Variants in OR2J1 observed in about 807,000 individuals in gnomAD.
OR2J1 encodes olfactory receptor 2J1.
In OR2J1, 10 loss-of-function variants were observed where a neutral mutation model predicts 10.2. The ratio of observed to expected loss-of-function variants is 0.98; its 90% confidence interval spans 0.60 to 1.66. The LOEUF is 1.66. OR2J1 is among the 40% of genes most tolerant of loss of function. OR2J1 has a pLI of 0.00. For synonymous variants in OR2J1, 143 were observed against 138.8 expected (o/e 1.03, Z -0.21); for missense variants, 317 against 379.4 (o/e 0.84, Z 1.37).
chr6:29,101,194 G>T lies in OR2J1; in HGVS notation c.252G>T (p.Val84=), dbSNP rs143840212. 181 of 1,594,520 alleles carry T rather than the reference G, an allele frequency of 1.1e-4. 4 individuals carry two copies. The South Asian group carries it at 1.9e-3, about 17-fold the overall frequency. The change falls in exon 2 of 2, where the codon GTG becomes GTT. Residue 84 remains valine, a synonymous_variant. Coordinates refer to ENST00000641659, the MANE Select transcript of OR2J1 (RefSeq NM_001348294.2). The part of the protein sequence containing the change: ...YTTSSIPQLL[V]NLWGPEKTIS... ...CCAGCTCTATCCCTCAGTTGCTGGT[G>T]AATCTCTGGGGCCCGGAAAAGACCA...
rs1581898725 is a variant in OR2J1, at chr6:29,101,905, T to C, written c.*24T>C. 2.1e-6 allele frequency: 2 copies of C among 953,234 alleles called. No individual in the cohort carries two copies. Among genetic ancestry groups the C allele is most frequent in the African/African-American group, 3.2e-5 (2 of 61,916 alleles). 59.0% of individuals were successfully genotyped at this position (953,234 alleles called of 1,614,324 possible). On this transcript the variant is annotated 3_prime_UTR_variant, in exon 2 of 2. Coordinates refer to ENST00000641659, the MANE Select transcript of OR2J1 (RefSeq NM_001348294.2). ...GACAGGGAAATCATGTTGGCTGTTGTTTTTCCTAGGGTCTTATCCATTTTG... is the reference window on the plus strand; with the variant it reads ...GACAGGGAAATCATGTTGGCTGTTGCTTTTCCTAGGGTCTTATCCATTTTG...
Position 29,102,074 on chromosome 6 carries a change from A to G in OR2J1, c.*193A>G. The G allele has an allele frequency of 2.1e-6, 1 of 474,678 alleles. No individual in the cohort carries two copies. The highest frequency in any genetic ancestry group is 3.7e-6 in the Non-Finnish European group (1 of 271,962). 29.4% of individuals were successfully genotyped at this position (474,678 alleles called of 1,614,324 possible). ...TGAGATAAAGGTTTTGATTAGTACC[A>G]TTTTGTTCTTTTACAATTCTATATT... is the stretch of plus-strand genomic sequence containing the variant. On this transcript the variant is annotated 3_prime_UTR_variant, in exon 2 of 2. Coordinates refer to ENST00000641659, the MANE Select transcript of OR2J1 (RefSeq NM_001348294.2).
At position 29,102,272 on chromosome 6, in the gene OR2J1, A is replaced by C. The variant is rs1274510584; in HGVS notation, c.*391A>C. On this transcript the variant is annotated 3_prime_UTR_variant, in exon 2 of 2. Transcript: ENST00000641659. ...GGCAATATTGCAAAGATGTAGGCTG[A>C]AGAAGTTTTTGGTTATTAAATAAAC... 1 of 164,622 alleles carries C rather than the reference A, an allele frequency of 6.1e-6. No homozygotes were observed. Among genetic ancestry groups the C allele is most frequent in the Admixed American group, 6.2e-5 (1 of 16,218 alleles). 10.2% of individuals were successfully genotyped at this position (164,622 alleles called of 1,614,324 possible).
In OR2J1 at chr6:29,100,775, A is replaced by G. The variant is rs537305330; in HGVS notation, c.-168A>G. ...GTATCCACAGCTGGACAAATATCTC[A>G]ATGAAGCATACAAAGGAAACTGTAT... On this transcript the variant is annotated 5_prime_UTR_variant, in exon 2 of 2. Coordinates refer to ENST00000641659, the MANE Select transcript of OR2J1 (RefSeq NM_001348294.2). The G allele has an allele frequency of 1.3e-4, 76 of 570,484 alleles. No individual in the cohort carries two copies. In the East Asian group the frequency reaches 2.0e-3, roughly 15 times the overall value. 35.3% of individuals were successfully genotyped at this position (570,484 alleles called of 1,614,324 possible).
chr6:29,101,797 T>C lies in OR2J1; in HGVS notation c.855T>C (p.Ser285=). 1 of 1,600,588 alleles carries C rather than the reference T, an allele frequency of 6.2e-7. No individual in the cohort carries two copies. Among genetic ancestry groups the C allele is most frequent in the Non-Finnish European group, 8.6e-7 (1 of 1,167,898 alleles). Residue 285 remains serine, a synonymous_variant, in exon 2 of 2, where the codon AGT becomes AGC. Transcript: ENST00000641659. ...TCTTTTACACTGTTGTCACACCTAG[T>C]CTTAACCCTCTAATCTACACTTTCA... is the stretch of plus-strand genomic sequence containing the variant. ...IALFYTVVTP[S]LNPLIYTFRN... is the part of the protein sequence containing the mutation.
chr6:29,100,958 A>T lies in OR2J1; in HGVS notation c.16A>T (p.Asn6Tyr). 1 of 1,306,306 alleles carries T rather than the reference A, an allele frequency of 7.7e-7. No homozygotes were observed. The highest frequency in any genetic ancestry group is 1.1e-6 in the Non-Finnish European group (1 of 905,142). 80.9% of individuals were successfully genotyped at this position (1,306,306 alleles called of 1,614,324 possible). A position where few individuals can be genotyped will look rare whatever the true frequency, so the allele number is the denominator to read the frequency against. MLMKK[N>Y]ASFEDFFLLL... ...AAAAATAAGAATGTTGATGAAAAAA[A>T]ATGCAAGTTTTGAAGACTTCTTTCT... The change falls in exon 2 of 2, where the codon AAT becomes TAT. Residue 6 changes from asparagine (N) to tyrosine (Y), a missense_variant. Transcript: ENST00000641659.
rs771592137 is a variant in OR2J1, at chr6:29,101,304, A to G, written c.362A>G (p.Tyr121Cys). 3.7e-5 allele frequency: 59 copies of G among 1,602,438 alleles called. No individual in the cohort carries two copies. Among genetic ancestry groups the G allele is most frequent in the Middle Eastern group, 3.3e-4 (2 of 6,070 alleles). ...AECVLLVVMSYDRYAAVCRPL... is the reference protein window; with the variant it reads ...AECVLLVVMSCDRYAAVCRPL... ...TGTGTCCTACTGGTGGTGATGTCCT[A>G]TGATCGTTATGCAGCTGTGTGTAGA... Residue 121 changes from tyrosine (Y) to cysteine (C), a missense_variant, in exon 2 of 2, where the codon TAT becomes TGT. Transcript: ENST00000641659.
chr6:29,100,946 T>C lies in OR2J1; in HGVS notation c.4T>C (p.Leu2=). The stretch of plus-strand genomic sequence containing the variant: ...TTTAGGTACAGGAAAAATAAGAATG[T>C]TGATGAAAAAAAATGCAAGTTTTGA... M[L]MKKNASFEDF... is the part of the protein sequence containing the mutation. Residue 2 remains leucine (L), a synonymous_variant, in exon 2 of 2, where the codon TTG becomes CTG. Coordinates refer to ENST00000641659, the MANE Select transcript of OR2J1 (RefSeq NM_001348294.2). 4.2e-6 allele frequency: 5 copies of C among 1,200,026 alleles called. No homozygotes were observed. The Admixed American group carries it at 8.6e-5, about 21-fold the overall frequency. 74.3% of individuals were successfully genotyped at this position (1,200,026 alleles called of 1,614,324 possible). A position where few individuals can be genotyped will look rare whatever the true frequency, so the allele number is the denominator to read the frequency against.
chr6:29,101,263 A>T lies in OR2J1; in HGVS notation c.321A>T (p.Ala107=). ...GCTVQLYFVL[A]LGTAECVLLV... ...CGGTTCAACTTTACTTTGTTCTCGC[A>T]CTGGGAACCGCAGAGTGTGTCCTAC... Residue 107 remains alanine, a synonymous_variant, in exon 2 of 2, where the codon GCA becomes GCT. Coordinates refer to ENST00000641659, the MANE Select transcript of OR2J1 (RefSeq NM_001348294.2). 1 of 1,601,630 alleles carries T rather than the reference A, an allele frequency of 6.2e-7. No individual in the cohort carries two copies. The highest frequency in any genetic ancestry group is 8.6e-7 in the Non-Finnish European group (1 of 1,168,678).
At position 29,100,890 on chromosome 6, in the gene OR2J1, T is replaced by C; in HGVS notation, c.-53T>C. 1 of 831,256 alleles carries C rather than the reference T, an allele frequency of 1.2e-6. No individual in the cohort carries two copies. The allele number at this position is 831,256 out of a possible 1,614,324, so 51.5% of individuals were successfully genotyped here. A position where few individuals can be genotyped will look rare whatever the true frequency, so the allele number is the denominator to read the frequency against. ...TTGCAAGTGAGCAGTTGGCAATGCA[T>C]GGACAGACTTTGAGTTTATGCGATT... On this transcript the variant is annotated 5_prime_UTR_variant, in exon 2 of 2. An upstream start codon of the reference 5' UTR is lost. Transcript: ENST00000641659.
rs2394517 is a variant in OR2J1, at chr6:29,101,522, C to T, written c.580C>T (p.Gln194Ter). Residue 194 changes from glutamine to a stop codon, truncating the protein, a stop_gained, in exon 2 of 2, where the codon CAG (glutamine) becomes TAG (stop). Coordinates refer to ENST00000641659, the MANE Select transcript of OR2J1 (RefSeq NM_001348294.2). LOFTEE classifies it high-confidence loss of function. ...ALLRLSCVDT[Q>*]ANELTLMVMS... is the part of the protein sequence containing the mutation. ...TCTGCGATTATCATGTGTTGATACCCAGGCAAATGAGCTGACCCTCATGGT... is the reference window on the plus strand; with the variant it reads ...TCTGCGATTATCATGTGTTGATACCTAGGCAAATGAGCTGACCCTCATGGT... The T allele has an allele frequency of 0.55, 852,096 of 1,547,038 alleles. 247,202 individuals carry two copies. The highest frequency in any genetic ancestry group is 0.6 in the Non-Finnish European group (675,333 of 1,118,506).
rs3131088 is a variant in OR2J1, at chr6:29,101,239, G to A, written c.297G>A (p.Thr99=). The change falls in exon 2 of 2, where the codon ACG becomes ACA. Residue 99 remains threonine, a synonymous_variant. Coordinates refer to ENST00000641659, the MANE Select transcript of OR2J1 (RefSeq NM_001348294.2). ...AGACCATCTCTTATGCTGGTTGTAC[G>A]GTTCAACTTTACTTTGTTCTCGCAC... ...PEKTISYAGC[T]VQLYFVLALG... is the part of the protein sequence containing the mutation. 0.55 allele frequency: 886,000 copies of A among 1,597,768 alleles called. 258,366 individuals are homozygous for A. Among genetic ancestry groups the A allele is most frequent in the Non-Finnish European group, 0.61 (707,365 of 1,165,314 alleles).
Position 29,100,804 on chromosome 6 carries a change from A to C in OR2J1, c.-139A>C. 1 of 599,762 alleles carries C rather than the reference A, an allele frequency of 1.7e-6. No individual in the cohort carries two copies. The highest frequency in any genetic ancestry group is 2.9e-4 in the Middle Eastern group (1 of 3,396). 37.2% of individuals were successfully genotyped at this position (599,762 alleles called of 1,614,324 possible). On this transcript the variant is annotated 5_prime_UTR_variant, in exon 2 of 2. Transcript: ENST00000641659. ...AAGCATACAAAGGAAACTGTATAAA[A>C]ATTCTACTGCCATAATGGTGCACAC...
rs1340007946 is a variant in OR2J1, at chr6:29,102,689, A to C, written c.*808A>C. On this transcript the variant is annotated 3_prime_UTR_variant, in exon 2 of 2. Coordinates refer to ENST00000641659, the MANE Select transcript of OR2J1 (RefSeq NM_001348294.2). ...AAGATGAAGTATCTGTACATGGCTT[A>C]ATTTGTCACTGGGGTTAATGCTAAT... is the stretch of plus-strand genomic sequence containing the variant. 6.6e-6 allele frequency: 1 copy of C among 152,224 alleles called. No individual in the cohort carries two copies. Among genetic ancestry groups the C allele is most frequent in the Non-Finnish European group, 1.5e-5 (1 of 68,028 alleles). 9.4% of individuals were successfully genotyped at this position (152,224 alleles called of 1,614,324 possible).
intron 1 of OR2J1, 103 bp from the exon 2 acceptor site, chr6:29,100,657 T>G: frequency 4.1e-6 from 1 of 245,940 alleles, no homozygotes. Context: ...AAATATTGTC[T>G]TTCTGATTAT....
chr6:29,100,317 A>G (rs1333944792), intron 1 of OR2J1, among the ~76,000 whole-genome samples: 1 of 152,146 alleles, frequency 6.6e-6, no homozygotes, highest in Admixed American at 6.5e-5. Flanking sequence ...AGCTTTGCTT[A>G]TATTGTGAAT....
chr6:29,101,869 A>G lies in OR2J1; in HGVS notation c.927A>G (p.Glu309=). The G allele has an allele frequency of 8.0e-7, 1 of 1,247,572 alleles. No homozygotes were observed. Among genetic ancestry groups the G allele is most frequent in the Non-Finnish European group, 1.2e-6 (1 of 848,734 alleles). 77.3% of individuals were successfully genotyped at this position (1,247,572 alleles called of 1,614,324 possible). The change falls in exon 2 of 2, where the codon GAA becomes GAG. Residue 309 remains glutamate (E), a synonymous_variant. Transcript: ENST00000641659. ...RGAVKRLMGW[E]WGM is the part of the protein sequence containing the mutation. The stretch of plus-strand genomic sequence containing the variant: ...CAGTGAAGAGACTAATGGGGTGGGA[A>G]TGGGGGATGTGACAGGGAAATCATG...
Position 29,102,091 on chromosome 6 carries a change from T to C in OR2J1, c.*210T>C. On this transcript the variant is annotated 3_prime_UTR_variant, in exon 2 of 2. Coordinates refer to ENST00000641659, the MANE Select transcript of OR2J1 (RefSeq NM_001348294.2). ...TTAGTACCATTTTGTTCTTTTACAA[T>C]TCTATATTTATTTCCATGAAAATTG... The C allele has an allele frequency of 2.2e-6, 1 of 462,812 alleles. No homozygotes were observed. The allele number at this position is 462,812 out of a possible 1,614,324, so 28.7% of individuals were successfully genotyped here.
In OR2J1 at chr6:29,102,435, A is replaced by T. The variant is rs149314109; in HGVS notation, c.*554A>T. The T allele has an allele frequency of 6.6e-6, 1 of 152,472 alleles. No homozygotes were observed. Among genetic ancestry groups the T allele is most frequent in the African/African-American group, 2.4e-5 (1 of 41,476 alleles). The allele number at this position is 152,472 out of a possible 1,614,324, so 9.4% of individuals were successfully genotyped here. On this transcript the variant is annotated 3_prime_UTR_variant, in exon 2 of 2. Transcript: ENST00000641659. The stretch of plus-strand genomic sequence containing the variant: ...TTAAAGACACTAAATTATATAATTT[A>T]TCCTGTAGGTCTGCATTCTTGTCAC...
Sources: gnomAD v4.1 joint callset for allele counts (sites outside exome capture counted in the v4.1 genomes callset) on GRCh38, gnomAD v4.1.1 for gene constraint, MANE v1.5 for transcripts, NCBI Gene and HGNC (gene_info 2026-07-23, HGNC 2026-07-21) for gene names.